The following ASNS variants were observed in gnomAD, a reference collection of about 807,000 sequenced individuals.
The protein encoded by ASNS is asparagine synthetase [glutamine-hydrolyzing].
Under a neutral mutation model 62.6 loss-of-function variants are expected in ASNS, and 37 were observed. The ratio of observed to expected loss-of-function variants is 0.59; its 90% confidence interval spans 0.45 to 0.78. ASNS has a LOEUF of 0.78. Ranked by LOEUF, ASNS falls within the 30% of genes least tolerant of loss-of-function variation. The probability of loss-of-function intolerance (pLI) is 0.00; values close to 1 mark genes in which losing one functional copy is unlikely to be tolerated. For missense variants in ASNS, 520 were observed against 682.4 expected (o/e 0.76, Z 2.65); for synonymous variants, 207 against 237.9 (o/e 0.87, Z 1.19).
At chr7:97,909,294 CTTTTTTT>C in the ASNS span, among the ~76,000 whole-genome samples, 3 of 72,620 alleles carry the variant, frequency 4.1e-5, no homozygotes, top group Admixed American at 4.1e-4. Context: ...CTCACATACA[CTTTTTTT>C]TTTTTTTTTT....
chr7:97,907,897 T>C, the ASNS span, among the ~76,000 whole-genome samples: 1 of 152,082 alleles, frequency 6.6e-6, no homozygotes, highest in African/African-American at 2.4e-5. Flanking sequence ...AAAGACACTA[T>C]CACAAGCTGA....
At chr7:97,869,262 T>C (rs1792136283) in intron 2 of ASNS, 83 bp from the exon 3 acceptor site, 1 of 1,460,684 alleles carries the variant, frequency 6.8e-7, no homozygotes. Flanking sequence ...GAAACGTGCA[T>C]AAACCACTTC....
At chr7:97,924,423 T>C in the ASNS span, among the ~76,000 whole-genome samples, 2 of 152,222 alleles carry the variant, frequency 1.3e-5, no homozygotes, top group Non-Finnish European at 2.9e-5. Context: ...CATGTCTTCA[T>C]GTCAGCTTGA....
At chr7:97,852,926 T>C in intron 12 of ASNS, 134 bp downstream of exon 12, 1 of 779,678 alleles carries the variant, frequency 1.3e-6, no homozygotes, top group African/African-American at 1.8e-5. Context: ...CTGATGTATG[T>C]ATCATTCAAA....
chr7:97,856,172 T>C (rs1198437156), intron 8 of ASNS, among the ~76,000 whole-genome samples: 2 of 152,206 alleles, frequency 1.3e-5, no homozygotes, highest in South Asian at 2.1e-4. Context: ...AGGGAGGCAG[T>C]AGCATATAAA....
the ASNS span, among the ~76,000 whole-genome samples, chr7:97,893,632 G>A: frequency 6.6e-6 from 1 of 152,180 alleles, no homozygotes. Context: ...GGACAAAGAA[G>A]GTCATTATAT....
intron 10 of ASNS, among the ~76,000 whole-genome samples, chr7:97,853,963 C>G (rs983954686): frequency 5.3e-5 from 8 of 152,254 alleles, no homozygotes; most frequent in African/African-American, 1.9e-4. Context: ...TTAATTATAT[C>G]CTTATCTAGG....
rs1791556721 is a variant in ASNS at position 97,858,365 on chromosome 7, C to T, written c.816G>A (p.Lys272=). ...DSSLVAATLL[K]QLKEAQVQYP... is the part of the protein sequence containing the mutation. ...ACTGTACTTGGGCTTCTTTCAGCTG[C>T]TTCAACAGAGTGGCAGCAACCAAGC... Residue 272 remains lysine (K), a synonymous_variant, in exon 7 of 13, where the codon AAG becomes AAA. Transcript: ENST00000394308. 8 of 1,614,134 alleles carry T rather than the reference C, an allele frequency of 5.0e-6. No homozygotes were observed. The highest frequency in any genetic ancestry group is 6.8e-6 in the Non-Finnish European group (8 of 1,180,022).
the ASNS span, among the ~76,000 whole-genome samples, chr7:97,889,927 CAAAAAAAAAAAAA>C: frequency 5.2e-5 from 2 of 38,560 alleles, no homozygotes; most frequent in Non-Finnish European, 4.3e-5. Context: ...ATAATGAATA[CAAAAAAAAAAAAA>C]AAAAAAAAAA....
chr7:97,910,608 CTT>C, the ASNS span, among the ~76,000 whole-genome samples: 141 of 144,684 alleles, frequency 9.7e-4, no homozygotes, highest in African/African-American at 3.3e-3. Flanking sequence ...CAGTGAGAGA[CTT>C]TTTTTTTTTT....
At chr7:97,853,679 G>A (rs775588628) in intron 10 of ASNS, among the ~76,000 whole-genome samples, 12 of 152,088 alleles carry the variant, frequency 7.9e-5, no homozygotes, top group Non-Finnish European at 1.5e-4. Context: ...AGCAGAAAAA[G>A]TTACAAAACA....
chr7:97,878,987 G>A, the ASNS span, among the ~76,000 whole-genome samples: 1 of 152,090 alleles, frequency 6.6e-6, no homozygotes, highest in Non-Finnish European at 1.5e-5. Flanking sequence ...CAGAAATAAT[G>A]CTACATTATC....
chr7:97,915,732 C>T, the ASNS span, among the ~76,000 whole-genome samples: 122 of 151,172 alleles, frequency 8.1e-4, no homozygotes, highest in African/African-American at 2.9e-3. Flanking sequence ...AGAAAGAGCC[C>T]GATATGCAAA....
At chr7:97,920,550 C>A in the ASNS span, among the ~76,000 whole-genome samples, 1 of 152,160 alleles carries the variant, frequency 6.6e-6, no homozygotes, top group African/African-American at 2.4e-5. Context: ...GAGCCCTGTG[C>A]TGCACTGTGG....
At chr7:97,927,040 T>C in the ASNS span, among the ~76,000 whole-genome samples, 1 of 140,148 alleles carries the variant, frequency 7.1e-6, no homozygotes, top group Non-Finnish European at 1.5e-5. Flanking sequence ...CCCAAGTACT[T>C]GGGACTACAG....
chr7:97,916,227 A>G, the ASNS span, among the ~76,000 whole-genome samples: 6 of 152,148 alleles, frequency 3.9e-5, no homozygotes, highest in African/African-American at 1.4e-4. Flanking sequence ...AAAAATACAA[A>G]AAAATTAGCT....
At chr7:97,867,748 T>G (rs1179673103) in intron 3 of ASNS, among the ~76,000 whole-genome samples, 2 of 152,216 alleles carry the variant, frequency 1.3e-5, no homozygotes, top group Non-Finnish European at 1.5e-5. Flanking sequence ...GTCTGGTGCA[T>G]AGTAGACCCT....
chr7:97,923,941 C>T, the ASNS span, among the ~76,000 whole-genome samples: 4 of 152,188 alleles, frequency 2.6e-5, no homozygotes, highest in African/African-American at 9.7e-5. Context: ...CCTTCCTGTC[C>T]CTTGAGTTCT....
chr7:97,919,996 C>T, the ASNS span, among the ~76,000 whole-genome samples: 9 of 151,756 alleles, frequency 5.9e-5, no homozygotes, highest in Admixed American at 1.3e-4. Flanking sequence ...CTCTTCCCTC[C>T]TCCTCTTGTC....
Sources: allele counts gnomAD v4.1 joint callset (sites outside exome capture counted in the v4.1 genomes callset), GRCh38; gene constraint gnomAD v4.1.1; transcripts MANE v1.5; gene names NCBI Gene and HGNC (gene_info 2026-07-23, HGNC 2026-07-21).